ABCA1: variants seen among roughly 807,000 people sequenced by gnomAD.
ABCA1 encodes phospholipid-transporting ATPase ABCA1.
In ABCA1, 133 loss-of-function variants were observed where a neutral mutation model predicts 262.5. The ratio of observed to expected loss-of-function variants is 0.51; its 90% confidence interval spans 0.44 to 0.59. The LOEUF (loss-of-function observed/expected upper bound fraction) is 0.59, where lower values mean the gene tolerates loss of function less well. ABCA1 is among the 20% of genes least tolerant of loss of function. The pLI is 0.00. For missense variants in ABCA1, 2,452 were observed against 2,777.5 expected (o/e 0.88, Z 2.63); for synonymous variants, 1,022 against 1,043.5 (o/e 0.98, Z 0.40).
chr9:104,927,012 G>A lies in ABCA1; in HGVS notation c.-93+923C>T, dbSNP rs543596820. The stretch of plus-strand genomic sequence containing the variant: ...GGATCACCTGAGGTCGAGGGTTCGA[G>A]ACCAGCCTGGCCAACAAGTTGAAAC... On this transcript the variant is annotated intron_variant, in intron 1 of 49. Coordinates refer to ENST00000374736, the MANE Select transcript of ABCA1 (RefSeq NM_005502.4). Among the ~76,000 whole-genome samples, 9 of 152,080 alleles carry A rather than the reference G, an allele frequency of 5.9e-5. 1 individual carries two copies. The highest frequency in any genetic ancestry group is 5.9e-4 in the Admixed American group (9 of 15,292).
chr9:104,905,000 A>G (rs145992984), intron 1 of ABCA1, among the ~76,000 whole-genome samples: 43 of 152,334 alleles, frequency 2.8e-4, no homozygotes, highest in African/African-American at 8.9e-4. Context: ...ATGCTGGAAT[A>G]GTCCCAAGTA....
At chr9:104,855,850 G>A in intron 7 of ABCA1, 1 of 1,611,718 alleles carries the variant, frequency 6.2e-7, no homozygotes, top group Non-Finnish European at 8.5e-7. Flanking sequence ...TCTGAAGGAG[G>A]CCCAGGAGAA....
rs771291455 is a variant in ABCA1, at chr9:104,817,418, A to G, written c.3463-14T>C. Reference sequence around the variant, plus strand: ...AACACTGTCCTCCTGATGGCAAAGAAGGAGGTGAGAACGGGTCAGGGACGG... The same window carrying G: ...AACACTGTCCTCCTGATGGCAAAGAGGGAGGTGAGAACGGGTCAGGGACGG... On this transcript the variant is annotated splice_polypyrimidine_tract_variant and intron_variant, in intron 23 of 49. Transcript: ENST00000374736. This position sits in a 1 kb window ranked among gnomAD's most constrained non-coding sequence, Gnocchi z 4.7. 1 of 1,614,068 alleles carries G rather than the reference A, an allele frequency of 6.2e-7. No homozygotes were observed. Among genetic ancestry groups the G allele is most frequent in the East Asian group, 2.2e-5 (1 of 44,886 alleles).
chr9:104,922,798 G>A (rs1305460184), intron 1 of ABCA1, among the ~76,000 whole-genome samples: 5 of 152,080 alleles, frequency 3.3e-5, no homozygotes, highest in East Asian at 1.9e-4. Flanking sequence ...TGCAACCTCC[G>A]CCTCCCAGGT....
At chr9:104,897,952 G>A (rs1840358551) in intron 2 of ABCA1, among the ~76,000 whole-genome samples, 1 of 152,108 alleles carries the variant, frequency 6.6e-6, no homozygotes, top group African/African-American at 2.4e-5. Context: ...AAATTGCAAC[G>A]CATACACCTC....
In ABCA1 at chr9:104,800,524, T is replaced by G. The variant is rs757194699; in HGVS notation, c.4759A>C (p.Lys1587Gln). 1.1e-5 allele frequency: 17 copies of G among 1,613,988 alleles called. No individual in the cohort carries two copies. Among genetic ancestry groups the G allele is most frequent in the Non-Finnish European group, 1.4e-5 (17 of 1,179,848 alleles). ...CAGCGGTTTACCTTGACATTATTTT[T>G]GGTGTCCAGTCCTGTCATAAATCTT... ...LGRFMTGLDT[K>Q]NNVKVWFNNK... The change falls in exon 35 of 50, where the codon AAA (lysine) becomes CAA (glutamine). Residue 1587 changes from lysine to glutamine, a missense_variant. Coordinates refer to ENST00000374736, the MANE Select transcript of ABCA1 (RefSeq NM_005502.4).
In ABCA1 at chr9:104,810,849, T is replaced by G. The variant is rs145689805; in HGVS notation, c.4126A>C (p.Ser1376Arg). 6.2e-7 allele frequency: 1 copy of G among 1,614,080 alleles called. No homozygotes were observed. Reference sequence around the variant, plus strand: ...TACATCCAGGGCTGAAGTTCCAGGCTGGGGTACTTGCCAAAGGGTGGCACG... The same window carrying G: ...TACATCCAGGGCTGAAGTTCCAGGCGGGGGTACTTGCCAAAGGGTGGCACG... ...LIVPPFGKYPSLELQPWMYNE... is the reference protein window; with the variant it reads ...LIVPPFGKYPRLELQPWMYNE... The change falls in exon 29 of 50, where the codon AGC becomes CGC. Residue 1376 changes from serine to arginine, a missense_variant. This residue lies in a region of ABCA1 where 665 missense variants were observed against 727.3 expected (regional missense o/e 0.91). Transcript: ENST00000374736.
intron 1 of ABCA1, among the ~76,000 whole-genome samples, chr9:104,923,023 G>C (rs1423219961): frequency 6.6e-6 from 1 of 152,052 alleles, no homozygotes; most frequent in African/African-American, 2.4e-5. Flanking sequence ...AGCCAACAAG[G>C]CAGACTTTGA....
chr9:104,893,421 C>CAAAAAAAAAAAA lies in ABCA1; in HGVS notation c.67-4238_67-4227dup, dbSNP rs34544647. ...TGGGCAACAGAGTGAGACTTCACCT[C>CAAAAAAAAAAAA]AAAAAAAAAAAAAAAAAAAAAAAAA... is the stretch of plus-strand genomic sequence containing the variant. On this transcript the variant is annotated intron_variant, in intron 2 of 49. Transcript: ENST00000374736. Among the ~76,000 whole-genome samples, 26 of 35,250 alleles carry CAAAAAAAAAAAA rather than the reference C, an allele frequency of 7.4e-4. 1 individual carries two copies. The highest frequency in any genetic ancestry group is 9.3e-4 in the African/African-American group (10 of 10,772). The allele number at this position is 35,250 out of a possible 152,430, so 23.1% of individuals were successfully genotyped here. A position where few individuals can be genotyped will look rare whatever the true frequency, so the allele number is the denominator to read the frequency against.
At chr9:104,795,912 G>C in intron 39 of ABCA1, 141 bp downstream of exon 39, 12 of 1,229,372 alleles carry the variant, frequency 9.8e-6, no homozygotes, top group Non-Finnish European at 1.3e-5. Flanking sequence ...GCCTTCTCAG[G>C]GAAGACAGAC....
intron 45 of ABCA1, 40 bp downstream of exon 45, chr9:104,788,386 T>A (rs374057848): frequency 6.7e-5 from 108 of 1,613,840 alleles, no homozygotes; most frequent in Non-Finnish European, 8.6e-5. Flanking sequence ...ATTGTCAGGA[T>A]GCCAAAGGAG....
intron 30 of ABCA1, among the ~76,000 whole-genome samples, chr9:104,807,354 A>T (rs1320477910): frequency 6.6e-6 from 1 of 152,216 alleles, no homozygotes; most frequent in Non-Finnish European, 1.5e-5. Context: ...GCTCTGAATT[A>T]CTGTGGGACA....
chr9:104,893,148 C>T (rs959169953), intron 2 of ABCA1, among the ~76,000 whole-genome samples: 3 of 152,072 alleles, frequency 2.0e-5, no homozygotes, highest in Non-Finnish European at 2.9e-5. Context: ...TGAGGCCGGG[C>T]GTGGTGGCTC....
At chr9:104,819,505 G>A in intron 22 of ABCA1, 81 bp downstream of exon 22, 1 of 1,595,500 alleles carries the variant, frequency 6.3e-7, no homozygotes, top group Non-Finnish European at 8.6e-7. Context: ...CAGAAGCCTA[G>A]CCATGAGATA....
intron 18 of ABCA1, among the ~76,000 whole-genome samples, chr9:104,823,480 A>G (rs758815796): frequency 9.2e-5 from 14 of 152,186 alleles, no homozygotes; most frequent in Middle Eastern, 3.2e-3. Context: ...GAACCCCCTC[A>G]TGTAATTTGT....
intron 34 of ABCA1, among the ~76,000 whole-genome samples, chr9:104,801,775 C>G (rs1327670230): frequency 2.0e-5 from 3 of 152,172 alleles, no homozygotes; most frequent in Non-Finnish European, 4.4e-5. Flanking sequence ...AACTCCTGAC[C>G]TCAAGTGATC....
intron 34 of ABCA1, 136 bp from the exon 35 acceptor site, chr9:104,800,720 A>G: frequency 1.2e-6 from 1 of 803,178 alleles, no homozygotes. Flanking sequence ...ATTAAATGTG[A>G]AGCCATTAAA....
chr9:104,883,656 T>C (rs1838890754), intron 4 of ABCA1, among the ~76,000 whole-genome samples: 1 of 151,816 alleles, frequency 6.6e-6, no homozygotes, highest in Non-Finnish European at 1.5e-5. Flanking sequence ...TTTTTAATAT[T>C]TGTGTATGGA....
chr9:104,802,209 C>G, intron 33 of ABCA1, 50 bp from the exon 34 acceptor site: 1 of 1,495,066 alleles, frequency 6.7e-7, no homozygotes, highest in Non-Finnish European at 9.3e-7. Flanking sequence ...TGCACAGTAT[C>G]ATCAGCAGCA....
Sources: gnomAD v4.1 joint callset for allele counts (sites outside exome capture counted in the v4.1 genomes callset) on GRCh38, gnomAD v4.1.1 for gene constraint, gnomAD v4.1.1 regional missense constraint, Gnocchi (gnomAD v3.1) non-coding constraint, MANE v1.5 for transcripts, NCBI Gene and HGNC (gene_info 2026-07-23, HGNC 2026-07-21) for gene names.